The following IQCH variants were observed in gnomAD, a reference collection of about 807,000 sequenced individuals.
IQCH encodes IQ motif containing H.
IQCH carries 98 observed loss-of-function variants against 117.0 expected under a neutral mutation model. The observed-to-expected ratio is 0.84, with a 90% CI of 0.71 to 0.99. The LOEUF (loss-of-function observed/expected upper bound fraction) is 0.99, where lower values mean the gene tolerates loss of function less well. Ranked by LOEUF, IQCH falls within the 50% of genes least tolerant of loss-of-function variation. The pLI is 0.00. For synonymous variants in IQCH, 412 were observed against 448.2 expected, an observed-to-expected ratio of 0.92 and a Z score of 1.02; for missense variants, 1,102 against 1,243.8, an observed-to-expected ratio of 0.89 and a Z score of 1.72.
At chr15:67,441,901 T>C (rs778639124) in intron 16 of IQCH, among the ~76,000 whole-genome samples, 33 of 152,012 alleles carry the variant, frequency 2.2e-4, no homozygotes, top group Non-Finnish European at 4.1e-4. Flanking sequence ...CCTAATTAAA[T>C]GAAAGGGCTT....
intron 4 of IQCH, among the ~76,000 whole-genome samples, chr15:67,294,404 A>G (rs1966841366): frequency 6.6e-6 from 1 of 152,132 alleles, no homozygotes; most frequent in Non-Finnish European, 1.5e-5. Flanking sequence ...AAGATTCCTC[A>G]TTTCTGAGCC....
chr15:67,309,495 C>G (rs980988066), intron 4 of IQCH, among the ~76,000 whole-genome samples: 1 of 152,028 alleles, frequency 6.6e-6, no homozygotes, highest in Non-Finnish European at 1.5e-5. Context: ...GATTTGTCCC[C>G]TCCTCTGTCT....
rs541582974 is a variant in IQCH at position 67,305,776 on chromosome 15, A to G, written c.387+26264A>G. Among the ~76,000 whole-genome samples, 3 of 152,262 alleles carry G rather than the reference A, an allele frequency of 2.0e-5. No homozygotes were observed. In the East Asian group the frequency reaches 5.8e-4, roughly 29 times the overall value. On this transcript the variant is annotated intron_variant, in intron 4 of 20. Transcript: ENST00000335894. ...TTTAAAAAGGATTATGCTTTGCTTT[A>G]TGAATCTGAATGAAGATTCAGACTT... is the stretch of plus-strand genomic sequence containing the variant.
Position 67,265,761 on chromosome 15 carries a change from G to A in IQCH, c.269+2545G>A, listed in dbSNP as rs548250525. On this transcript the variant is annotated intron_variant, in intron 3 of 20. Transcript: ENST00000335894. ...CCTGGTTCTGCACTTGCCCCAAGAC[G>A]CTGTCATGAATAGACTTGGCTTCAG... is the stretch of plus-strand genomic sequence containing the variant. Among the ~76,000 whole-genome samples the A allele has an allele frequency of 4.6e-5, 7 of 152,286 alleles. No individual in the cohort carries two copies. The South Asian group carries it at 1.5e-3, about 32-fold the overall frequency.
In IQCH at chr15:67,372,294, G is replaced by T; in HGVS notation, c.937G>T (p.Ala313Ser). The change falls in exon 9 of 21, where the codon GCT becomes TCT. Residue 313 changes from alanine (A) to serine (S), a missense_variant. Ala to Ser is a moderately conservative substitution (Grantham distance 99, BLOSUM62 1). Around this residue, in one of 2 missense-constraint regions of IQCH, gnomAD observed 452 missense variants for 449.6 expected, o/e 1.01. Coordinates refer to ENST00000335894, the MANE Select transcript of IQCH (RefSeq NM_001031715.3). ...CGTCGAGAAGTTTCTCAGGAACTAT[G>T]CTATACCAGAAGTCAAAATAAAAGG... ...EHVEKFLRNY[A>S]IPEVKIKGNN... is the part of the protein sequence containing the mutation. 6.2e-7 allele frequency: 1 copy of T among 1,614,056 alleles called. No individual in the cohort carries two copies. The highest frequency in any genetic ancestry group is 8.5e-7 in the Non-Finnish European group (1 of 1,179,992).
intron 4 of IQCH, among the ~76,000 whole-genome samples, chr15:67,317,368 A>G (rs1284464960): frequency 2.6e-5 from 4 of 151,528 alleles, no homozygotes; most frequent in Admixed American, 6.6e-5. Context: ...ATGCCCAGCT[A>G]ATTTCTGTAT....
Position 67,447,747 on chromosome 15 carries a change from C to T in IQCH, c.2506-17380C>T, listed in dbSNP as rs1489257122. 6.6e-6 allele frequency among the ~76,000 whole-genome samples: 1 copy of T among 152,172 alleles called. No individual in the cohort carries two copies. Among genetic ancestry groups the T allele is most frequent in the Non-Finnish European group, 1.5e-5 (1 of 68,030 alleles). ...CAGCCCCTTCTCTTCTGGGTTTGACCATGTCCAGTCCCTCTCAGTCCAGGA... is the reference window on the plus strand; with the variant it reads ...CAGCCCCTTCTCTTCTGGGTTTGACTATGTCCAGTCCCTCTCAGTCCAGGA... On this transcript the variant is annotated intron_variant, in intron 16 of 20. Transcript: ENST00000335894. The surrounding 1 kb of genome is among the most constrained non-coding windows in gnomAD (Gnocchi z 5.3).
intron 3 of IQCH, among the ~76,000 whole-genome samples, chr15:67,275,637 G>A (rs1966090487): frequency 6.6e-6 from 1 of 152,052 alleles, no homozygotes; most frequent in African/African-American, 2.4e-5. Context: ...CAGCACTTTG[G>A]GAGGCTGAGA....
At chr15:67,280,678 G>T (rs1966317041) in intron 4 of IQCH, among the ~76,000 whole-genome samples, 2 of 152,098 alleles carry the variant, frequency 1.3e-5, no homozygotes, top group South Asian at 4.2e-4. Context: ...CAACATATGG[G>T]TTTTGGTGGG....
intron 6 of IQCH, among the ~76,000 whole-genome samples, chr15:67,345,398 G>A (rs187164630): frequency 1.2e-3 from 178 of 152,226 alleles, no homozygotes; most frequent in African/African-American, 3.9e-3. Flanking sequence ...ATCCAAAATA[G>A]AGTACGGAAA....
intron 4 of IQCH, among the ~76,000 whole-genome samples, chr15:67,295,501 G>A (rs1030598838): frequency 6.6e-6 from 1 of 152,050 alleles, no homozygotes; most frequent in Non-Finnish European, 1.5e-5. Flanking sequence ...TATGATGCTG[G>A]AACTCTATCT....
intron 6 of IQCH, among the ~76,000 whole-genome samples, chr15:67,351,649 T>A (rs866649206): frequency 6.6e-6 from 1 of 152,342 alleles, no homozygotes; most frequent in Middle Eastern, 3.4e-3. Flanking sequence ...CTCTGTGGAT[T>A]CACATCCTTG....
At chr15:67,260,250 A>C (rs1282793429) in intron 1 of IQCH, among the ~76,000 whole-genome samples, 1 of 152,224 alleles carries the variant, frequency 6.6e-6, no homozygotes, top group Non-Finnish European at 1.5e-5. Flanking sequence ...TTTGGTTTCT[A>C]ATATGAATGC....
At chr15:67,256,280 C>T (rs1207745136) in intron 1 of IQCH, among the ~76,000 whole-genome samples, 5 of 152,154 alleles carry the variant, frequency 3.3e-5, no homozygotes, top group Non-Finnish European at 7.3e-5. Context: ...TACTTCCTCC[C>T]AGCCATGATA....
chr15:67,359,911 A>G lies in IQCH; in HGVS notation c.753+26A>G. 6.3e-7 allele frequency: 1 copy of G among 1,596,928 alleles called. No individual in the cohort carries two copies. The highest frequency in any genetic ancestry group is 8.6e-7 in the Non-Finnish European group (1 of 1,164,430). On this transcript the variant is annotated intron_variant, in intron 8 of 20. Transcript: ENST00000335894. This position sits in a 1 kb window ranked among gnomAD's most constrained non-coding sequence, Gnocchi z 4.5. ...GTCTGTAATTTGTGTGACTAGTTGA[A>G]ATTTAGGGTCTGTCACCTGATGTCC...
At chr15:67,357,790 A>G (rs1224353603) in intron 7 of IQCH, among the ~76,000 whole-genome samples, 2 of 152,192 alleles carry the variant, frequency 1.3e-5, no homozygotes, top group Admixed American at 6.5e-5. Flanking sequence ...AATACAGGCT[A>G]AAAAGGCAAG....
Position 67,360,869 on chromosome 15 carries a change from C to T in IQCH, c.753+984C>T, listed in dbSNP as rs1970102619. 2.0e-5 allele frequency among the ~76,000 whole-genome samples: 3 copies of T among 152,186 alleles called. No homozygotes were observed. In the South Asian group the frequency reaches 6.2e-4, roughly 31 times the overall value. ...CAGATTGCTCCTTGGTAAACTAATC[C>T]GTGCAATTAGATCCTTCCTCTTACG... On this transcript the variant is annotated intron_variant, in intron 8 of 20. Coordinates refer to ENST00000335894, the MANE Select transcript of IQCH (RefSeq NM_001031715.3).
intron 3 of IQCH, among the ~76,000 whole-genome samples, chr15:67,269,575 G>A (rs1431004584): frequency 6.6e-6 from 1 of 151,998 alleles, no homozygotes; most frequent in Non-Finnish European, 1.5e-5. Context: ...GTAAAACCTA[G>A]GTTTTATTTC....
chr15:67,348,164 G>A (rs910088065), intron 6 of IQCH, among the ~76,000 whole-genome samples: 1 of 152,098 alleles, frequency 6.6e-6, no homozygotes, highest in Non-Finnish European at 1.5e-5. Context: ...GTGTTTGAAT[G>A]AATGCTTTTC....
Sources: gnomAD v4.1 joint callset for allele counts (sites outside exome capture counted in the v4.1 genomes callset) on GRCh38, gnomAD v4.1.1 for gene constraint, gnomAD v4.1.1 regional missense constraint, Gnocchi (gnomAD v3.1) non-coding constraint, MANE v1.5 for transcripts, NCBI Gene and HGNC (gene_info 2026-07-23, HGNC 2026-07-21) for gene names.